The following EDIL3 variants were observed in gnomAD, a reference collection of about 807,000 sequenced individuals.
EDIL3 encodes EGF-like repeat and discoidin I-like domain-containing protein 3.
A neutral mutation model predicts 67.4 loss-of-function variants in EDIL3; 37 were observed. That is an observed-to-expected ratio of 0.55 (90% CI 0.42 to 0.72). The LOEUF (loss-of-function observed/expected upper bound fraction) is 0.72. EDIL3 is among the 30% of genes least tolerant of loss of function. EDIL3 has a pLI of 0.00. For missense variants in EDIL3, 527 were observed against 586.3 expected (o/e 0.90, Z 1.04); for synonymous variants, 195 against 196.3 (o/e 0.99, Z 0.05).
chr5:83,949,031 G>A (rs1248008395), intron 10 of EDIL3, among the ~76,000 whole-genome samples: 1 of 151,766 alleles, frequency 6.6e-6, no homozygotes, highest in African/African-American at 2.4e-5. Flanking sequence ...TTGGAAAATA[G>A]TGATATTGAG....
intron 10 of EDIL3, among the ~76,000 whole-genome samples, chr5:83,954,449 A>T (rs1250480316): frequency 1.3e-5 from 2 of 151,628 alleles, no homozygotes; most frequent in African/African-American, 4.8e-5. Context: ...ATTAGTTCAC[A>T]GAAGAGCTGG....
intron 1 of EDIL3, among the ~76,000 whole-genome samples, chr5:84,259,252 C>T (rs1313986091): frequency 6.6e-6 from 1 of 152,116 alleles, no homozygotes; most frequent in Non-Finnish European, 1.5e-5. Context: ...AGCCACCACA[C>T]CTGGTCTGGT....
At chr5:84,267,757 A>C (rs1745379277) in intron 1 of EDIL3, among the ~76,000 whole-genome samples, 1 of 152,226 alleles carries the variant, frequency 6.6e-6, no homozygotes, top group African/African-American at 2.4e-5. Flanking sequence ...GACAATAAAC[A>C]ATCACATGAA....
Position 84,288,072 on chromosome 5 carries a change from T to G in EDIL3, c.68-33860A>C, listed in dbSNP as rs539614903. On this transcript the variant is annotated intron_variant, in intron 1 of 10. Coordinates refer to ENST00000296591, the MANE Select transcript of EDIL3 (RefSeq NM_005711.5). ...ACTAATCTGCATCTCAAATTTAACA[T>G]GTCCACACTCCTGATAATTTCCCCA... Among the ~76,000 whole-genome samples, 21 of 152,310 alleles carry G rather than the reference T, an allele frequency of 1.4e-4. No homozygotes were observed. The South Asian group carries it at 1.9e-3, about 14-fold the overall frequency.
At chr5:84,235,693 A>T (rs991592607) in intron 2 of EDIL3, among the ~76,000 whole-genome samples, 1 of 152,012 alleles carries the variant, frequency 6.6e-6, no homozygotes, top group Admixed American at 6.6e-5. Context: ...ATTTGTATTA[A>T]ATAAAGCTCA....
At chr5:84,341,293 C>T (rs1418113015) in intron 1 of EDIL3, among the ~76,000 whole-genome samples, 1 of 152,006 alleles carries the variant, frequency 6.6e-6, no homozygotes, top group African/African-American at 2.4e-5. Context: ...GAATGAGCTC[C>T]TACTGTGTGC....
intron 3 of EDIL3, among the ~76,000 whole-genome samples, chr5:84,215,371 A>G (rs893736034): frequency 6.6e-6 from 1 of 151,786 alleles, no homozygotes; most frequent in Non-Finnish European, 1.5e-5. Context: ...CTCCTGCCTC[A>G]GCCTCCCGAG....
intron 3 of EDIL3, among the ~76,000 whole-genome samples, chr5:84,204,525 T>C (rs1238797648): frequency 6.6e-6 from 1 of 152,126 alleles, no homozygotes; most frequent in Non-Finnish European, 1.5e-5. Context: ...TTTTAAAAAT[T>C]GTATTTTAAA....
chr5:84,173,774 A>G (rs1032630098), intron 4 of EDIL3, among the ~76,000 whole-genome samples: 2 of 152,194 alleles, frequency 1.3e-5, no homozygotes, highest in Non-Finnish European at 2.9e-5. Context: ...GCTGCAAGAT[A>G]GCCAGGCCAA....
At chr5:84,118,444 G>A (rs1381511566) in intron 5 of EDIL3, among the ~76,000 whole-genome samples, 2 of 152,102 alleles carry the variant, frequency 1.3e-5, no homozygotes, top group African/African-American at 2.4e-5. Flanking sequence ...ATTTAATTGG[G>A]AAATAACTAC....
intron 1 of EDIL3, among the ~76,000 whole-genome samples, chr5:84,280,947 C>CAAA (rs11302104): frequency 4.3e-5 from 3 of 70,194 alleles, no homozygotes; most frequent in African/African-American, 6.2e-5. Context: ...AAGACTCTGT[C>CAAA]AAAAAAAAAA....
chr5:84,371,290 A>G (rs1003670316), intron 1 of EDIL3, among the ~76,000 whole-genome samples: 18 of 148,376 alleles, frequency 1.2e-4, no homozygotes, highest in Non-Finnish European at 2.5e-4. Context: ...AATCTGCAAC[A>G]TATAGCAAGA....
intron 9 of EDIL3, among the ~76,000 whole-genome samples, chr5:83,985,274 T>C (rs1745040535): frequency 6.6e-6 from 1 of 152,068 alleles, no homozygotes; most frequent in African/African-American, 2.4e-5. Context: ...ATTTCTGTTC[T>C]AGCATAATGA....
intron 2 of EDIL3, among the ~76,000 whole-genome samples, chr5:84,236,551 TC>T (rs1744686589): frequency 1.3e-5 from 2 of 152,166 alleles, no homozygotes; most frequent in South Asian, 4.1e-4. Context: ...CTCCAGATAT[TC>T]CCTTCTAACC....
intron 9 of EDIL3, among the ~76,000 whole-genome samples, chr5:84,005,849 A>G (rs1425851034): frequency 6.6e-6 from 1 of 152,008 alleles, no homozygotes; most frequent in African/African-American, 2.4e-5. Flanking sequence ...AAAGAAAAAA[A>G]GCATCCAAAT....
chr5:84,006,358 C>CAAAACAA (rs1431865769), intron 9 of EDIL3, among the ~76,000 whole-genome samples: 6 of 144,500 alleles, frequency 4.2e-5, no homozygotes, highest in Non-Finnish European at 8.9e-5. Flanking sequence ...CAAAACAAAA[C>CAAAACAA]AAAACAAAAC....
intron 10 of EDIL3, among the ~76,000 whole-genome samples, chr5:83,954,601 C>T (rs1490586241): frequency 6.6e-6 from 1 of 151,746 alleles, no homozygotes; most frequent in Non-Finnish European, 1.5e-5. Context: ...GATTCTGTTG[C>T]CATTCTTGCA....
intron 1 of EDIL3, among the ~76,000 whole-genome samples, chr5:84,321,631 G>A (rs552539148): frequency 1.7e-4 from 26 of 152,226 alleles, no homozygotes; most frequent in African/African-American, 6.3e-4. Context: ...AGAGCAGCTT[G>A]CACACAGCTT....
intron 6 of EDIL3, among the ~76,000 whole-genome samples, chr5:84,090,114 G>C (rs1241414818): frequency 6.6e-6 from 1 of 152,070 alleles, no homozygotes; most frequent in African/African-American, 2.4e-5. Context: ...CATGTTGTAG[G>C]CAAAAATCCA....
Sources: gnomAD v4.1 joint callset for allele counts (sites outside exome capture counted in the v4.1 genomes callset) on GRCh38, gnomAD v4.1.1 for gene constraint, MANE v1.5 for transcripts, NCBI Gene and HGNC (gene_info 2026-07-23, HGNC 2026-07-21) for gene names.